The following BORCS5 variants were observed in gnomAD, a reference collection of about 807,000 sequenced individuals.
BORCS5 encodes BLOC-1-related complex subunit 5.
Under a neutral mutation model 22.1 loss-of-function variants are expected in BORCS5, and 17 were observed. The ratio of observed to expected loss-of-function variants is 0.77; its 90% CI spans 0.53 to 1.15. BORCS5 has a LOEUF of 1.15. Among genes scored for constraint, BORCS5 ranks in the 50% most tolerant of loss-of-function variants. The pLI, the probability that BORCS5 is intolerant of heterozygous loss-of-function variation, is 0.00. For synonymous variants in BORCS5, 117 were observed against 99.8 expected, an observed-to-expected ratio of 1.17 and a Z score of -1.03; for missense variants, 247 against 253.2, an observed-to-expected ratio of 0.98 and a Z score of 0.17.
chr12:12,399,277 A>C (rs1243645713), intron 2 of BORCS5, among the ~76,000 whole-genome samples: 1 of 152,136 alleles, frequency 6.6e-6, no homozygotes, highest in Non-Finnish European at 1.5e-5. Flanking sequence ...TATTGGGGGA[A>C]AAAGTTTGGA....
At chr12:12,391,535 G>A (rs369261329) in intron 2 of BORCS5, among the ~76,000 whole-genome samples, 139 of 151,686 alleles carry the variant, frequency 9.2e-4, no homozygotes, top group African/African-American at 3.2e-3. Flanking sequence ...ACAGGTGCAC[G>A]CCACCATGCC....
chr12:12,425,991 T>C (rs1942277854), intron 2 of BORCS5, among the ~76,000 whole-genome samples: 2 of 152,226 alleles, frequency 1.3e-5, no homozygotes, highest in African/African-American at 4.8e-5. Context: ...TAACTTTATA[T>C]AGTTCCCATA....
intron 2 of BORCS5, among the ~76,000 whole-genome samples, chr12:12,370,165 G>C (rs1027481136): frequency 6.6e-5 from 10 of 151,366 alleles, no homozygotes; most frequent in African/African-American, 2.4e-4. Context: ...ATTTTTTGAA[G>C]TGATTAAGAG....
intron 3 of BORCS5, among the ~76,000 whole-genome samples, chr12:12,464,672 T>A (rs1943167635): frequency 6.6e-6 from 1 of 151,930 alleles, no homozygotes; most frequent in Non-Finnish European, 1.5e-5. Context: ...ACGATGGCGG[T>A]CTCTCTCTCT....
intron 2 of BORCS5, among the ~76,000 whole-genome samples, chr12:12,389,675 G>T (rs1416005452): frequency 6.6e-6 from 1 of 150,796 alleles, no homozygotes; most frequent in Non-Finnish European, 1.5e-5. Flanking sequence ...ACAGAGTCTC[G>T]CTCTGTCGCC....
intron 2 of BORCS5, among the ~76,000 whole-genome samples, chr12:12,408,460 A>G (rs1941641709): frequency 6.6e-6 from 1 of 152,188 alleles, no homozygotes; most frequent in African/African-American, 2.4e-5. Flanking sequence ...TATTAAGTAC[A>G]TTGAGATTGT....
At chr12:12,371,532 G>A (rs1234656997) in intron 2 of BORCS5, among the ~76,000 whole-genome samples, 2 of 152,060 alleles carry the variant, frequency 1.3e-5, no homozygotes, top group African/African-American at 4.8e-5. Context: ...GGGCACAAGC[G>A]ATCCACCTGC....
At position 12,467,980 on chromosome 12, in the gene BORCS5, T is replaced by C. The variant is rs1943229858; in HGVS notation, c.*2204T>C. 1 of 152,222 alleles carries C rather than the reference T, an allele frequency of 6.6e-6. No individual in the cohort carries two copies. The highest frequency in any genetic ancestry group is 6.5e-5 in the Admixed American group (1 of 15,284). The allele number at this position is 152,222 out of a possible 1,614,324, so 9.4% of individuals were successfully genotyped here. A position where few individuals can be genotyped will look rare whatever the true frequency, so the allele number is the denominator to read the frequency against. On this transcript the variant is annotated 3_prime_UTR_variant, in exon 4 of 4. Transcript: ENST00000314565. ...CCCTGGGCCGGGTATGAGAACCAGCTTCTTGGTCTGCAGCCACAAGGATGA... is the reference window on the plus strand; with the variant it reads ...CCCTGGGCCGGGTATGAGAACCAGCCTCTTGGTCTGCAGCCACAAGGATGA...
At chr12:12,414,506 GCCGGGCAGAGGAGCCC>G (rs2136092824) in intron 2 of BORCS5, among the ~76,000 whole-genome samples, 1 of 78,080 alleles carries the variant, frequency 1.3e-5, no homozygotes, top group African/African-American at 7.0e-5. Context: ...AGTAGGGGCG[GCCGGGCAGAGGAGCCC>G]CTCACCTCCC....
intron 2 of BORCS5, among the ~76,000 whole-genome samples, chr12:12,392,461 T>C (rs550246024): frequency 6.6e-6 from 1 of 152,240 alleles, no homozygotes; most frequent in Admixed American, 6.5e-5. Flanking sequence ...TTAAGATAGT[T>C]TAATACTATG....
chr12:12,373,226 C>T (rs995293412), intron 2 of BORCS5, among the ~76,000 whole-genome samples: 9 of 152,210 alleles, frequency 5.9e-5, no homozygotes, highest in African/African-American at 1.9e-4. Context: ...AGAGTGCCCT[C>T]ACCAAATATC....
At position 12,403,976 on chromosome 12, in the gene BORCS5, GT is replaced by G. The variant is rs1565873462; in HGVS notation, c.203-31651del. On this transcript the variant is annotated intron_variant, in intron 2 of 3. Transcript: ENST00000314565. ...GGTATCACTTTTATCTTGTAGTTCC[GT>G]ATAACTGCCTTTGTAGACTCTTCAA... Among the ~76,000 whole-genome samples the G allele has an allele frequency of 4.6e-5, 7 of 152,246 alleles. No individual in the cohort carries two copies. The East Asian group carries it at 1.3e-3, about 29-fold the overall frequency.
chr12:12,449,419 A>G (rs1367703586), intron 3 of BORCS5, among the ~76,000 whole-genome samples: 2 of 152,148 alleles, frequency 1.3e-5, no homozygotes, highest in African/African-American at 4.8e-5. Flanking sequence ...TGCTGCCATC[A>G]ATGCCATTTG....
In BORCS5 at chr12:12,357,441, C is replaced by G; in HGVS notation, c.-11C>G. 1 of 1,606,198 alleles carries G rather than the reference C, an allele frequency of 6.2e-7. No homozygotes were observed. Among genetic ancestry groups the G allele is most frequent in the Non-Finnish European group, 8.5e-7 (1 of 1,173,890 alleles). On this transcript the variant is annotated 5_prime_UTR_variant, in exon 1 of 4. Coordinates refer to ENST00000314565, the MANE Select transcript of BORCS5 (RefSeq NM_058169.6). Reference sequence around the variant, plus strand: ...GCCCGCCGTTCTTCTGCTGCCACCGCTGTCGGCACCATGGGCAGTGAGCAG... The same window carrying G: ...GCCCGCCGTTCTTCTGCTGCCACCGGTGTCGGCACCATGGGCAGTGAGCAG...
chr12:12,390,260 G>C (rs937794208), intron 2 of BORCS5, among the ~76,000 whole-genome samples: 1 of 152,062 alleles, frequency 6.6e-6, no homozygotes, highest in Non-Finnish European at 1.5e-5. Flanking sequence ...CTTTCAAAGA[G>C]CTTACATTCT....
chr12:12,400,049 C>T (rs1164795705), intron 2 of BORCS5, among the ~76,000 whole-genome samples: 1 of 152,246 alleles, frequency 6.6e-6, no homozygotes, highest in African/African-American at 2.4e-5. Flanking sequence ...ACAAATCCCA[C>T]TAATCTTTGT....
intron 2 of BORCS5, among the ~76,000 whole-genome samples, chr12:12,434,493 A>G (rs2136123646): frequency 6.6e-6 from 1 of 152,270 alleles, no homozygotes; most frequent in Non-Finnish European, 1.5e-5. Flanking sequence ...ATTATTTGCA[A>G]AACATGCTCA....
At chr12:12,375,900 G>A (rs1051765232) in intron 2 of BORCS5, among the ~76,000 whole-genome samples, 4 of 152,028 alleles carry the variant, frequency 2.6e-5, no homozygotes, top group Admixed American at 2.6e-4. Context: ...TGCCTCCTGG[G>A]TTCAAGTGAT....
At chr12:12,395,545 C>A (rs923938797) in intron 2 of BORCS5, among the ~76,000 whole-genome samples, 4 of 151,194 alleles carry the variant, frequency 2.6e-5, no homozygotes, top group African/African-American at 4.9e-5. Flanking sequence ...CCTTGGCCTC[C>A]CAGCGTGCCG....
Sources: allele counts gnomAD v4.1 joint callset (sites outside exome capture counted in the v4.1 genomes callset), GRCh38; gene constraint gnomAD v4.1.1; transcripts MANE v1.5; gene names NCBI Gene and HGNC (gene_info 2026-07-23, HGNC 2026-07-21).